Variants in ABCC9 observed in about 807,000 individuals in gnomAD.
ABCC9 encodes the protein ATP binding cassette subfamily C member 9.
ABCC9 carries 95 observed loss-of-function variants against 188.3 expected under a neutral mutation model. The observed-to-expected ratio is 0.50, with a 90% CI of 0.43 to 0.60. The LOEUF is 0.60. ABCC9 is among the 20% of genes least tolerant of loss of function. The pLI is 0.00. For synonymous variants in ABCC9, 659 were observed against 652.7 expected, an observed-to-expected ratio of 1.01 and a Z score of -0.15; for missense variants, 1,102 against 1,876.3, an observed-to-expected ratio of 0.59 and a Z score of 7.62.
intron 5 of ABCC9, among the ~76,000 whole-genome samples, chr12:21,918,921 T>C (rs1392515150): frequency 6.6e-6 from 1 of 152,068 alleles, no homozygotes; most frequent in African/African-American, 2.4e-5. Context: ...CTTCAAAATA[T>C]TTGGAAATTA....
Position 21,888,890 on chromosome 12 carries a change from G to A in ABCC9, c.1803-956C>T, listed in dbSNP as rs572298112. On this transcript the variant is annotated intron_variant, in intron 14 of 39. Coordinates refer to ENST00000261200, the MANE Select transcript of ABCC9 (RefSeq NM_020297.4). ...GCAAAGGAAAAGAAGTGCTCCTTTT[G>A]GCAAGCTAGGATGCAGCAAGTGGGA... 1.4e-4 allele frequency among the ~76,000 whole-genome samples: 19 copies of A among 132,306 alleles called. 1 individual carries two copies. The South Asian group carries it at 5.3e-3, about 37-fold the overall frequency. The allele number at this position is 132,306 out of a possible 152,430, so 86.8% of individuals were successfully genotyped here.
At chr12:21,892,626 C>A (rs1365452479) in intron 14 of ABCC9, among the ~76,000 whole-genome samples, 2 of 152,184 alleles carry the variant, frequency 1.3e-5, no homozygotes, top group East Asian at 1.9e-4. Flanking sequence ...GCTCTAGACA[C>A]TAACAGCTCT....
At chr12:21,844,687 A>G in intron 27 of ABCC9, 80 bp downstream of exon 27, 1 of 1,594,088 alleles carries the variant, frequency 6.3e-7, no homozygotes, top group East Asian at 2.2e-5. Context: ...AATTCTTCTA[A>G]CTTTCACATT....
chr12:21,833,427 T>C (rs910594079), intron 30 of ABCC9, among the ~76,000 whole-genome samples: 1 of 151,958 alleles, frequency 6.6e-6, no homozygotes. Flanking sequence ...TTTGTTCTAC[T>C]TAAAGCTACC....
At chr12:21,881,707 A>AACAC (rs3062604) in intron 16 of ABCC9, among the ~76,000 whole-genome samples, 106,012 of 148,080 alleles carry the variant, frequency 0.72, 39,174 homozygotes, top group Non-Finnish European at 0.83. Context: ...CCTAGGGAAC[A>AACAC]ACACACACAC....
At chr12:21,815,704 A>C in intron 34 of ABCC9, 59 bp downstream of exon 34, 1 of 1,600,354 alleles carries the variant, frequency 6.2e-7, no homozygotes, top group Non-Finnish European at 8.5e-7. Context: ...AGGTAGTAAA[A>C]AAGCAGACTC....
At chr12:21,910,705 G>A in intron 9 of ABCC9, 121 bp downstream of exon 9, 1 of 851,570 alleles carries the variant, frequency 1.2e-6, no homozygotes, top group Non-Finnish European at 1.9e-6. Flanking sequence ...TAGAAACGTT[G>A]TTGTTGTAAT....
intron 30 of ABCC9, among the ~76,000 whole-genome samples, chr12:21,834,093 G>T (rs551926232): frequency 6.6e-6 from 1 of 152,126 alleles, no homozygotes; most frequent in Non-Finnish European, 1.5e-5. Flanking sequence ...TACTGTTCTT[G>T]CTAAGGTTAT....
At chr12:21,929,446 T>C (rs989816856) in intron 4 of ABCC9, among the ~76,000 whole-genome samples, 1 of 152,000 alleles carries the variant, frequency 6.6e-6, no homozygotes, top group Non-Finnish European at 1.5e-5. Flanking sequence ...AAAGAAAAAT[T>C]ACTAGCTTTA....
intron 31 of ABCC9, among the ~76,000 whole-genome samples, chr12:21,819,700 C>A (rs1263383991): frequency 2.6e-5 from 4 of 151,236 alleles, no homozygotes; most frequent in Non-Finnish European, 5.9e-5. Flanking sequence ...TTTTTTTTCC[C>A]TTTGGATAAT....
At chr12:21,848,615 A>G (rs1342436131) in intron 24 of ABCC9, among the ~76,000 whole-genome samples, 1 of 152,184 alleles carries the variant, frequency 6.6e-6, no homozygotes, top group Non-Finnish European at 1.5e-5. Flanking sequence ...GGATTCATTC[A>G]TGTTAATACA....
chr12:21,842,522 C>T, intron 28 of ABCC9, 51 bp from the exon 29 acceptor site: 1 of 1,578,932 alleles, frequency 6.3e-7, no homozygotes, highest in Non-Finnish European at 8.7e-7. Flanking sequence ...GAAATATTGG[C>T]TGCAATGTAA....
rs79101191 is a variant in ABCC9 at position 21,836,282 on chromosome 12, G to A, written c.3566+1796C>T. Reference sequence around the variant, plus strand: ...CTTCAGTGACTACCACACATTGAAAGGATCCAGTCTAAGTTATTTAAAGAT... The same window carrying A: ...CTTCAGTGACTACCACACATTGAAAAGATCCAGTCTAAGTTATTTAAAGAT... On this transcript the variant is annotated intron_variant, in intron 30 of 39. Transcript: ENST00000261200. Among the ~76,000 whole-genome samples, 192 of 152,210 alleles carry A rather than the reference G, an allele frequency of 1.3e-3. 2 individuals carry two copies. The East Asian group carries it at 0.034, about 27-fold the overall frequency.
At chr12:21,845,260 G>C (rs941338041) in intron 26 of ABCC9, among the ~76,000 whole-genome samples, 19 of 151,846 alleles carry the variant, frequency 1.3e-4, no homozygotes, top group African/African-American at 4.6e-4. Flanking sequence ...TACTGATGTA[G>C]GTAGTTAACA....
intron 31 of ABCC9, among the ~76,000 whole-genome samples, chr12:21,824,119 G>A (rs767816798): frequency 5.3e-5 from 8 of 152,136 alleles, no homozygotes; most frequent in South Asian, 2.1e-4. Flanking sequence ...AAAAGAAAGC[G>A]CTGTATTTTT....
intron 39 of ABCC9, chr12:21,805,447 CTG>C (rs1368984041): frequency 6.6e-6 from 5 of 755,660 alleles, no homozygotes; most frequent in Non-Finnish European, 1.1e-5. Context: ...AGGCAGAAAA[CTG>C]TGGACTACTG....
At chr12:21,925,417 A>T (rs1458828546) in intron 5 of ABCC9, 1 of 681,692 alleles carries the variant, frequency 1.5e-6, no homozygotes, top group South Asian at 1.6e-5. Context: ...GCTCCTCAGG[A>T]CAGCATACTT....
chr12:21,833,187 G>A (rs1943873785), intron 30 of ABCC9, among the ~76,000 whole-genome samples: 1 of 152,092 alleles, frequency 6.6e-6, no homozygotes, highest in African/African-American at 2.4e-5. Flanking sequence ...CTGCTTGGGT[G>A]ACAGGTGTAC....
rs1941214138 is a variant in ABCC9 at position 21,797,606 on chromosome 12, G to A, written c.*3438C>T. The stretch of plus-strand genomic sequence containing the variant: ...CAGTGAATCAATCAACCCTACTGTG[G>A]GTTAGGCACTTGTATTAAATTCCAA... On this transcript the variant is annotated 3_prime_UTR_variant, in exon 40 of 40. Coordinates refer to ENST00000261200, the MANE Select transcript of ABCC9 (RefSeq NM_020297.4). 2 of 152,082 alleles carry A rather than the reference G, an allele frequency of 1.3e-5. No individual in the cohort carries two copies. Among genetic ancestry groups the A allele is most frequent in the Non-Finnish European group, 2.9e-5 (2 of 68,022 alleles). 9.4% of individuals were successfully genotyped at this position (152,082 alleles called of 1,614,324 possible).
Sources: gnomAD v4.1 joint callset for allele counts (sites outside exome capture counted in the v4.1 genomes callset) on GRCh38, gnomAD v4.1.1 for gene constraint, MANE v1.5 for transcripts, NCBI Gene and HGNC (gene_info 2026-07-23, HGNC 2026-07-21) for gene names.